PDGFC: variants seen among roughly 807,000 people sequenced by gnomAD.
PDGFC encodes the protein platelet-derived growth factor C.
PDGFC carries 12 observed loss-of-function variants against 35.5 expected under a neutral mutation model. The observed-to-expected ratio is 0.34, with a 90% CI of 0.22 to 0.55. The LOEUF (loss-of-function observed/expected upper bound fraction) is 0.55, where lower values mean the gene tolerates loss of function less well. Among genes scored for constraint, PDGFC ranks in the 20% least tolerant of loss-of-function variants. PDGFC has a pLI of 0.91. For synonymous variants in PDGFC, 159 were observed against 148.8 expected, an observed-to-expected ratio of 1.07 and a Z score of -0.50; for missense variants, 322 against 412.4, an observed-to-expected ratio of 0.78 and a Z score of 1.90.
intron 1 of PDGFC, among the ~76,000 whole-genome samples, chr4:156,920,165 C>G (rs1384883131): frequency 1.3e-5 from 2 of 152,228 alleles, no homozygotes; most frequent in Non-Finnish European, 2.9e-5. Context: ...GCTTGTACAA[C>G]TGTGAGCCAA....
At chr4:156,970,606 G>T (rs1365872439) in intron 1 of PDGFC, among the ~76,000 whole-genome samples, 180 bp downstream of exon 1, 2 of 152,156 alleles carry the variant, frequency 1.3e-5, no homozygotes, top group African/African-American at 4.8e-5. Context: ...GGCAGCTCCC[G>T]AAGTTGCAAA....
intron 3 of PDGFC, among the ~76,000 whole-genome samples, chr4:156,782,966 C>T (rs138309810): frequency 6.6e-6 from 1 of 152,188 alleles, no homozygotes; most frequent in African/African-American, 2.4e-5. Flanking sequence ...TAGGTAATGA[C>T]TATAACGGAA....
intron 1 of PDGFC, among the ~76,000 whole-genome samples, chr4:156,908,112 G>A (rs1730959250): frequency 6.6e-6 from 1 of 152,120 alleles, no homozygotes; most frequent in African/African-American, 2.4e-5. Context: ...GTTGCAGTGA[G>A]CCGAGATCGT....
In PDGFC at chr4:156,809,691, T is replaced by C. The variant is rs566017138; in HGVS notation, c.495+1146A>G. Among the ~76,000 whole-genome samples, 3 of 144,854 alleles carry C rather than the reference T, an allele frequency of 2.1e-5. No homozygotes were observed. The South Asian group carries it at 7.0e-4, about 34-fold the overall frequency. The stretch of plus-strand genomic sequence containing the variant: ...CTCCTTGGGTTATACAACCAGATAA[T>C]CTATGTAGTCACAAAATCAGAAAAA... On this transcript the variant is annotated intron_variant, in intron 3 of 5. Coordinates refer to ENST00000502773, the MANE Select transcript of PDGFC (RefSeq NM_016205.3).
At chr4:156,939,209 A>G (rs1030430144) in intron 1 of PDGFC, among the ~76,000 whole-genome samples, 2 of 152,100 alleles carry the variant, frequency 1.3e-5, no homozygotes, top group African/African-American at 2.4e-5. Context: ...GCTCTACCCT[A>G]AAGCTCTACT....
intron 3 of PDGFC, among the ~76,000 whole-genome samples, chr4:156,781,088 C>T (rs1202232920): frequency 3.3e-5 from 5 of 152,224 alleles, no homozygotes; most frequent in African/African-American, 7.2e-5. Flanking sequence ...ATCATTTATA[C>T]GCGGACTACC....
chr4:156,866,499 A>G (rs1335652651), intron 1 of PDGFC, among the ~76,000 whole-genome samples: 3 of 151,992 alleles, frequency 2.0e-5, no homozygotes, highest in African/African-American at 7.2e-5. Context: ...TCACCTCTAC[A>G]CAGTTACCAT....
At chr4:156,840,344 T>A (rs551519371) in intron 2 of PDGFC, among the ~76,000 whole-genome samples, 5 of 152,254 alleles carry the variant, frequency 3.3e-5, no homozygotes, top group Middle Eastern at 3.4e-3. Flanking sequence ...GGCTGTTGCT[T>A]TAGAGAGTGT....
intron 1 of PDGFC, among the ~76,000 whole-genome samples, chr4:156,918,643 G>T (rs1421262387): frequency 6.6e-6 from 1 of 152,172 alleles, no homozygotes; most frequent in Non-Finnish European, 1.5e-5. Flanking sequence ...GACATAGGTT[G>T]TGTGCTCCTT....
chr4:156,774,671 T>A lies in PDGFC; in HGVS notation c.496-1778A>T, dbSNP rs3042794. ...TTCATCCTTTTTTTTTTTTTTTTTT[T>A]AACAAAAGTTTATTGAGTAACTACA... On this transcript the variant is annotated intron_variant, in intron 3 of 5. Coordinates refer to ENST00000502773, the MANE Select transcript of PDGFC (RefSeq NM_016205.3). 5.2e-4 allele frequency among the ~76,000 whole-genome samples: 78 copies of A among 149,588 alleles called. No individual in the cohort carries two copies. The East Asian group carries it at 0.011, about 22-fold the overall frequency.
chr4:156,810,723 C>T (rs555296340), intron 3 of PDGFC, 114 bp downstream of exon 3: 3 of 666,360 alleles, frequency 4.5e-6, no homozygotes, highest in African/African-American at 3.8e-5. Flanking sequence ...AAATGAAATC[C>T]CAGCTAGGTT....
chr4:156,941,015 T>C (rs1335624133), intron 1 of PDGFC, among the ~76,000 whole-genome samples: 1 of 152,158 alleles, frequency 6.6e-6, no homozygotes, highest in Non-Finnish European at 1.5e-5. Context: ...TAACTATCAA[T>C]AGATATAATG....
At chr4:156,848,355 C>G (rs559611228) in intron 2 of PDGFC, among the ~76,000 whole-genome samples, 108 of 151,982 alleles carry the variant, frequency 7.1e-4, no homozygotes, top group South Asian at 2.1e-3. Flanking sequence ...CAATTTAACT[C>G]TACCTAGTAA....
intron 2 of PDGFC, among the ~76,000 whole-genome samples, chr4:156,847,538 T>A (rs1729354518): frequency 6.6e-6 from 1 of 151,772 alleles, no homozygotes; most frequent in Admixed American, 6.6e-5. Context: ...GAGTTTAATC[T>A]GAAAAAGATC....
rs1357912305 is a variant in PDGFC, at chr4:156,970,703, T to C, written c.118+83A>G. 3.6e-6 allele frequency: 3 copies of C among 828,784 alleles called. No homozygotes were observed. In the African/African-American group the frequency reaches 5.0e-5, roughly 14 times the overall value. 51.3% of individuals were successfully genotyped at this position (828,784 alleles called of 1,614,324 possible). On this transcript the variant is annotated intron_variant, in intron 1 of 5. Coordinates refer to ENST00000502773, the MANE Select transcript of PDGFC (RefSeq NM_016205.3). ...GACCAAAGATACCTTCACAGTCTGG[T>C]ATATATCACATACCAACGCACAATG...
intron 1 of PDGFC, among the ~76,000 whole-genome samples, chr4:156,925,899 A>C (rs1045522960): frequency 4.6e-5 from 7 of 151,808 alleles, no homozygotes; most frequent in Non-Finnish European, 1.0e-4. Context: ...AAAAAATATA[A>C]AAATTAGCCA....
intron 3 of PDGFC, among the ~76,000 whole-genome samples, chr4:156,801,544 T>G (rs1731612408): frequency 3.3e-5 from 5 of 152,216 alleles, no homozygotes; most frequent in Admixed American, 3.3e-4. Flanking sequence ...TTATTTTATC[T>G]GGCATGGGAG....
intron 1 of PDGFC, among the ~76,000 whole-genome samples, chr4:156,960,255 TA>T (rs1307513167): frequency 1.0e-4 from 15 of 143,086 alleles, no homozygotes; most frequent in African/African-American, 3.8e-4. Flanking sequence ...ATAACTGTTA[TA>T]TATATATATA....
intron 1 of PDGFC, among the ~76,000 whole-genome samples, chr4:156,903,659 C>T (rs1446851348): frequency 6.6e-6 from 1 of 151,994 alleles, no homozygotes; most frequent in East Asian, 1.9e-4. Context: ...ATAAACATAG[C>T]AATTCAAGAC....
Sources: gnomAD v4.1 joint callset for allele counts (sites outside exome capture counted in the v4.1 genomes callset) on GRCh38, gnomAD v4.1.1 for gene constraint, MANE v1.5 for transcripts, NCBI Gene and HGNC (gene_info 2026-07-23, HGNC 2026-07-21) for gene names.